The following SIK2 variants were observed in gnomAD, a reference collection of about 807,000 sequenced individuals.
SIK2 encodes the protein serine/threonine-protein kinase SIK2.
A neutral mutation model predicts 103.2 loss-of-function variants in SIK2; 29 were observed. That is an observed-to-expected ratio of 0.28 (90% CI 0.21 to 0.38). The LOEUF (loss-of-function observed/expected upper bound fraction) is 0.38. SIK2 is among the 10% of genes least tolerant of loss of function. The probability of loss-of-function intolerance (pLI) is 1.00; values close to 1 mark genes in which losing one functional copy is unlikely to be tolerated. For missense variants in SIK2, 879 were observed against 1,171.0 expected, an observed-to-expected ratio of 0.75 and a Z score of 3.64; for synonymous variants, 412 against 446.1, an observed-to-expected ratio of 0.92 and a Z score of 0.96.
In SIK2 at chr11:111,688,582, G is replaced by A. The variant is rs1031080938; in HGVS notation, c.478+420G>A. Among the ~76,000 whole-genome samples, 24 of 152,338 alleles carry A rather than the reference G, an allele frequency of 1.6e-4. No individual in the cohort carries two copies. The highest frequency in any genetic ancestry group is 5.5e-4 in the African/African-American group (23 of 41,574). ...GCAAAAGAAGTGATGGAGGTAGAAT[G>A]AGAAATAGTTGAGACAGAAAAGCAC... On this transcript the variant is annotated intron_variant, in intron 4 of 14. Coordinates refer to ENST00000304987, the MANE Select transcript of SIK2 (RefSeq NM_015191.3). This position sits in a 1 kb window ranked among gnomAD's most constrained non-coding sequence, Gnocchi z 4.2.
chr11:111,656,734 A>T (rs1254940750), intron 3 of SIK2, among the ~76,000 whole-genome samples: 1 of 152,134 alleles, frequency 6.6e-6, no homozygotes, highest in Non-Finnish European at 1.5e-5. Context: ...AAAATTTTAA[A>T]ATTATGCTAT....
At position 111,701,478 on chromosome 11, in the gene SIK2, T is replaced by C. The variant is rs1398682913; in HGVS notation, c.630T>C (p.Leu210=). 6.2e-7 allele frequency: 1 copy of C among 1,613,944 alleles called. No individual in the cohort carries two copies. The highest frequency in any genetic ancestry group is 1.7e-5 in the Admixed American group (1 of 60,018). Residue 210 remains leucine, a synonymous_variant, in exon 6 of 15, where the codon CTT becomes CTC. Coordinates refer to ENST00000304987, the MANE Select transcript of SIK2 (RefSeq NM_015191.3). This position sits in a 1 kb window ranked among gnomAD's most constrained non-coding sequence, Gnocchi z 4.2. ...IWSMGVVLYV[L]VCGALPFDGP... is the part of the protein sequence containing the mutation. ...GTATGGGAGTTGTTCTTTATGTCCTTGTCTGTGGAGCTCTGCCCTTTGATG... is the reference window on the plus strand; with the variant it reads ...GTATGGGAGTTGTTCTTTATGTCCTCGTCTGTGGAGCTCTGCCCTTTGATG...
chr11:111,679,978 TG>T (rs1942756349), intron 3 of SIK2, among the ~76,000 whole-genome samples: 2 of 151,952 alleles, frequency 1.3e-5, no homozygotes, highest in Admixed American at 1.3e-4. Flanking sequence ...AAAAATTAGC[TG>T]GGCATGGTAG....
Position 111,722,837 on chromosome 11 carries a change from T to C in SIK2, c.2147+81T>C. On this transcript the variant is annotated intron_variant, in intron 14 of 14. Coordinates refer to ENST00000304987, the MANE Select transcript of SIK2 (RefSeq NM_015191.3). This position sits in a 1 kb window ranked among gnomAD's most constrained non-coding sequence, Gnocchi z 4.4. ...CACTGAATGTGTTGTCCTTTTCCTC[T>C]CACATTCGCCACTACTAGGAAAATA... is the stretch of plus-strand genomic sequence containing the variant. 7.5e-7 allele frequency: 1 copy of C among 1,327,000 alleles called. No individual in the cohort carries two copies. Among genetic ancestry groups the C allele is most frequent in the Non-Finnish European group, 1.1e-6 (1 of 936,672 alleles). The allele number at this position is 1,327,000 out of a possible 1,614,324, so 82.2% of individuals were successfully genotyped here.
chr11:111,656,738 A>G (rs143380434), intron 3 of SIK2, among the ~76,000 whole-genome samples: 136 of 152,336 alleles, frequency 8.9e-4, no homozygotes, highest in African/African-American at 3.1e-3. Flanking sequence ...TTTTAAAATT[A>G]TGCTATGGAA....
intron 3 of SIK2, among the ~76,000 whole-genome samples, chr11:111,680,263 A>G (rs1279555344): frequency 6.6e-6 from 1 of 152,184 alleles, no homozygotes. Context: ...AAAGAGAGCA[A>G]ATTAGCCAGT....
chr11:111,642,552 A>C (rs1177366971), intron 3 of SIK2, among the ~76,000 whole-genome samples: 1 of 152,176 alleles, frequency 6.6e-6, no homozygotes, highest in Non-Finnish European at 1.5e-5. Flanking sequence ...CCAGCACCTC[A>C]GTGTGTTCAA....
chr11:111,670,366 G>T (rs1942609048), intron 3 of SIK2, among the ~76,000 whole-genome samples: 1 of 152,198 alleles, frequency 6.6e-6, no homozygotes, highest in Non-Finnish European at 1.5e-5. Flanking sequence ...TTCGTGAAAC[G>T]TAAAGCCAGA....
intron 3 of SIK2, among the ~76,000 whole-genome samples, chr11:111,649,843 C>A (rs957333507): frequency 2.0e-5 from 3 of 152,092 alleles, no homozygotes; most frequent in Admixed American, 2.0e-4. Context: ...TCATAACTAA[C>A]AAGATCTTTT....
chr11:111,692,387 A>AAAAAAAAAC (rs1565360215), intron 4 of SIK2, among the ~76,000 whole-genome samples: 8 of 113,486 alleles, frequency 7.0e-5, no homozygotes, highest in Admixed American at 6.8e-4. Flanking sequence ...AAAAAAAAAA[A>AAAAAAAAAC]ACACAAAAAG....
At position 111,720,761 on chromosome 11, in the gene SIK2, G is replaced by C; in HGVS notation, c.1779G>C (p.Gln593His). The C allele has an allele frequency of 1.3e-6, 2 of 1,583,848 alleles. No individual in the cohort carries two copies. The highest frequency in any genetic ancestry group is 8.6e-7 in the Non-Finnish European group (1 of 1,165,780). Residue 593 changes from glutamine to histidine, a missense_variant and splice_region_variant, in exon 11 of 15, where the codon CAG (glutamine) becomes CAC (histidine). Gln to His is a conservative substitution (Grantham distance 24, BLOSUM62 0). This residue lies in a region of SIK2 where 375 missense variants were observed against 416.3 expected (regional missense o/e 0.90). Transcript: ENST00000304987. ...GAGCATCAGATACCTCCCTCACCCA[G>C]GGTGAGCACTTCCTCCTCTGCTTTT... ...GRRASDTSLTQGIVAFRQHLQ... is the reference protein window; with the variant it reads ...GRRASDTSLTHGIVAFRQHLQ...
chr11:111,611,823 C>T (rs902294676), intron 1 of SIK2, among the ~76,000 whole-genome samples: 2 of 152,120 alleles, frequency 1.3e-5, no homozygotes, highest in Non-Finnish European at 2.9e-5. Context: ...CAGATTTTGT[C>T]TCTTATACTA....
At chr11:111,720,309 C>T (rs773008269) in intron 10 of SIK2, among the ~76,000 whole-genome samples, 169 bp from the exon 11 acceptor site, 51 of 152,122 alleles carry the variant, frequency 3.4e-4, no homozygotes, top group Non-Finnish European at 2.2e-4. Context: ...GTTTTCCCCA[C>T]TAAACTTGAA....
intron 4 of SIK2, among the ~76,000 whole-genome samples, chr11:111,697,851 GA>G (rs998429144): frequency 2.0e-5 from 3 of 151,090 alleles, no homozygotes; most frequent in East Asian, 3.9e-4. Context: ...AAGAAAAAAG[GA>G]AAAAAAAATT....
chr11:111,659,044 C>T (rs1942432739), intron 3 of SIK2, among the ~76,000 whole-genome samples: 3 of 152,280 alleles, frequency 2.0e-5, no homozygotes, highest in Middle Eastern at 6.8e-3. Context: ...ATCTATAGAA[C>T]ATCTTTGCCA....
intron 1 of SIK2, among the ~76,000 whole-genome samples, chr11:111,605,224 A>G (rs1941634368): frequency 6.6e-6 from 1 of 152,088 alleles, no homozygotes; most frequent in East Asian, 1.9e-4. Context: ...TGGCCCCACA[A>G]AGTGCTGGGA....
intron 3 of SIK2, among the ~76,000 whole-genome samples, chr11:111,676,121 C>CATGT (rs1382800857): frequency 2.0e-5 from 3 of 152,164 alleles, no homozygotes; most frequent in Non-Finnish European, 4.4e-5. Flanking sequence ...TGTAGTACTC[C>CATGT]ATCATGTGTA....
chr11:111,691,782 C>T (rs2135901330), intron 4 of SIK2, among the ~76,000 whole-genome samples: 1 of 152,312 alleles, frequency 6.6e-6, no homozygotes, highest in Admixed American at 6.5e-5. Context: ...TATTAAGCTT[C>T]TACTCTGCTC....
chr11:111,641,246 G>C (rs537116262), intron 3 of SIK2, among the ~76,000 whole-genome samples: 1 of 152,262 alleles, frequency 6.6e-6, no homozygotes, highest in Admixed American at 6.5e-5. Flanking sequence ...AAGGCTTCAG[G>C]CCTCTAGGCA....
Sources: allele counts gnomAD v4.1 joint callset (sites outside exome capture counted in the v4.1 genomes callset), GRCh38; gene constraint gnomAD v4.1.1; regional missense constraint gnomAD v4.1.1; non-coding constraint Gnocchi (gnomAD v3.1); transcripts MANE v1.5; gene names NCBI Gene and HGNC (gene_info 2026-07-23, HGNC 2026-07-21).